MAX: variants seen among roughly 807,000 people sequenced by gnomAD.
MAX encodes protein max.
A neutral mutation model predicts 22.3 loss-of-function variants in MAX; 3 were observed. That is an observed-to-expected ratio of 0.13 (90% confidence interval 0.06 to 0.35). MAX has a LOEUF of 0.35. Ranked by LOEUF, MAX falls within the 10% of genes least tolerant of loss-of-function variation. The pLI is 1.00. For synonymous variants in MAX, 72 were observed against 77.7 expected, an observed-to-expected ratio of 0.93 and a Z score of 0.39; for missense variants, 119 against 209.4, an observed-to-expected ratio of 0.57 and a Z score of 2.66.
In MAX at chr14:65,077,446, G is replaced by A; in HGVS notation, c.295+467C>T. The A allele has an allele frequency of 1.3e-6, 2 of 1,555,574 alleles. No individual in the cohort carries two copies. The highest frequency in any genetic ancestry group is 1.8e-6 in the Non-Finnish European group (2 of 1,126,640). The stretch of plus-strand genomic sequence containing the variant: ...GCTTTCCCCTGTGGTTGTAGGAAAA[G>A]GCGGGTGTGAGCATTGAGAACAGCA... On this transcript the variant is annotated intron_variant, in intron 4 of 4. Transcript: ENST00000358664. This position sits in a 1 kb window ranked among gnomAD's most constrained non-coding sequence, Gnocchi z 6.3.
In MAX at chr14:65,069,596, G is replaced by C. The variant is rs909781884; in HGVS notation, c.171+24112C>G. Among the ~76,000 whole-genome samples the C allele has an allele frequency of 1.3e-5, 2 of 152,244 alleles. No homozygotes were observed. The highest frequency in any genetic ancestry group is 4.1e-4 in the South Asian group (2 of 4,834). On this transcript the variant is annotated intron_variant, in intron 3 of 3. Coordinates refer to the MAX transcript ENST00000341653. This position sits in a 1 kb window ranked among gnomAD's most constrained non-coding sequence, Gnocchi z 4.6. ...GTTGAACTCACGCAGAGGCAACCCT[G>C]GAACCGCCCTATCAAGGGCACAGAG... is the stretch of plus-strand genomic sequence containing the variant.
Position 65,078,793 on chromosome 14 carries a change from C to T in MAX, c.172-757G>A, listed in dbSNP as rs1353447260. Reference sequence around the variant, plus strand: ...GATCCACCTACCTCGGCCTCCCAAACTGCTGGGATTACAGGCGTGAGCCAC... The same window carrying T: ...GATCCACCTACCTCGGCCTCCCAAATTGCTGGGATTACAGGCGTGAGCCAC... On this transcript the variant is annotated intron_variant, in intron 3 of 4. Transcript: ENST00000358664. This position sits in a 1 kb window ranked among gnomAD's most constrained non-coding sequence, Gnocchi z 6.4. Among the ~76,000 whole-genome samples, 1 of 152,082 alleles carries T rather than the reference C, an allele frequency of 6.6e-6. No homozygotes were observed. Among genetic ancestry groups the T allele is most frequent in the Non-Finnish European group, 1.5e-5 (1 of 68,012 alleles).
rs201716333 is a variant in MAX, at chr14:65,032,702, A to G, written c.172-26418T>C. On this transcript the variant is annotated intron_variant, in intron 3 of 3. Transcript: ENST00000341653. The surrounding 1 kb of genome is among the most constrained non-coding windows in gnomAD (Gnocchi z 5.0). ...ACTGCTGAATGGATAGCAAGGTGAG[A>G]GAAGCCAGGGTTTCTCCTGGCCTCT... 1.2e-6 allele frequency: 2 copies of G among 1,613,060 alleles called. No individual in the cohort carries two copies. Among genetic ancestry groups the G allele is most frequent in the Non-Finnish European group, 1.7e-6 (2 of 1,179,808 alleles).
chr14:65,083,467 G>A (rs2063247735), intron 3 of MAX, among the ~76,000 whole-genome samples: 1 of 152,238 alleles, frequency 6.6e-6, no homozygotes. Context: ...TTTTATCACA[G>A]TAACTTGGAT....
chr14:65,085,790 G>C (rs1189616524), intron 3 of MAX, among the ~76,000 whole-genome samples: 2 of 152,144 alleles, frequency 1.3e-5, no homozygotes, highest in Non-Finnish European at 2.9e-5. Flanking sequence ...CATCAATATG[G>C]AACCCCCAAG....
At position 65,012,304 on chromosome 14, in the gene MAX, T is replaced by C; in HGVS notation, c.172-6020A>G. On this transcript the variant is annotated intron_variant, in intron 3 of 3. Coordinates refer to the MAX transcript ENST00000341653. The surrounding 1 kb of genome is among the most constrained non-coding windows in gnomAD (Gnocchi z 5.0). ...GCTATTAGAATGGGCTTATAAACTG[T>C]TTGTCTTTCCAGGCTTGTTTTGCAG... The C allele has an allele frequency of 6.2e-7, 1 of 1,613,970 alleles. No individual in the cohort carries two copies. Among genetic ancestry groups the C allele is most frequent in the Non-Finnish European group, 8.5e-7 (1 of 1,179,872 alleles).
At chr14:65,091,124 T>A (rs2063494723) in intron 3 of MAX, among the ~76,000 whole-genome samples, 2 of 152,140 alleles carry the variant, frequency 1.3e-5, no homozygotes, top group African/African-American at 2.4e-5. Flanking sequence ...CATGGTAAAA[T>A]AATCATTTCA....
intron 3 of MAX, among the ~76,000 whole-genome samples, chr14:65,035,581 G>A (rs528609459): frequency 6.6e-6 from 1 of 152,160 alleles, no homozygotes; most frequent in African/African-American, 2.4e-5. Flanking sequence ...ACGAGCTGGA[G>A]TGTAGTGGTG....
downstream of MAX, among the ~76,000 whole-genome samples, chr14:65,072,856 G>A (rs2063003836): frequency 6.6e-6 from 1 of 152,260 alleles, no homozygotes; most frequent in South Asian, 2.1e-4. Context: ...CGAAGAGTTT[G>A]TCAGTCCAGT....
intron 3 of MAX, among the ~76,000 whole-genome samples, chr14:65,057,511 G>C (rs1385704968): frequency 6.6e-6 from 1 of 152,124 alleles, no homozygotes; most frequent in Non-Finnish European, 1.5e-5. Flanking sequence ...TTTGTTTTTG[G>C]GGGAGGGTAG....
At chr14:65,055,364 G>C (rs2062710144) in intron 3 of MAX, among the ~76,000 whole-genome samples, 1 of 152,142 alleles carries the variant, frequency 6.6e-6, no homozygotes, top group African/African-American at 2.4e-5. Context: ...CATGCAGACT[G>C]TCATGAATTT....
chr14:65,065,661 G>A (rs1029916941), intron 3 of MAX, among the ~76,000 whole-genome samples: 8 of 152,156 alleles, frequency 5.3e-5, no homozygotes, highest in Non-Finnish European at 8.8e-5. Context: ...GACCACTGTC[G>A]TACATGCATT....
chr14:65,010,109 C>T (rs375327270), intron 3 of MAX, among the ~76,000 whole-genome samples: 2 of 152,226 alleles, frequency 1.3e-5, no homozygotes, highest in Admixed American at 6.5e-5. Flanking sequence ...GTTGTCTTTT[C>T]CCCTCAGTCT....
rs1320519815 is a variant in MAX at position 65,031,324 on chromosome 14, G to GTT, written c.172-25042_172-25041dup. ...TCAAGTATAATAATTTTTTGTGTTT[G>GTT]TTTTTTTTTTTGAGACAGAGTCTCA... On this transcript the variant is annotated intron_variant, in intron 3 of 3. Coordinates refer to the MAX transcript ENST00000341653. This position sits in a 1 kb window ranked among gnomAD's most constrained non-coding sequence, Gnocchi z 4.6. Among the ~76,000 whole-genome samples the GTT allele has an allele frequency of 1.4e-5, 2 of 144,228 alleles. No homozygotes were observed. Among genetic ancestry groups the GTT allele is most frequent in the African/African-American group, 2.5e-5 (1 of 39,476 alleles). The allele number at this position is 144,228 out of a possible 152,430, so 94.6% of individuals were successfully genotyped here.
At chr14:65,033,595 C>T (rs992721652) in intron 3 of MAX, among the ~76,000 whole-genome samples, 4 of 152,124 alleles carry the variant, frequency 2.6e-5, no homozygotes, top group South Asian at 2.1e-4. Context: ...CGGTGGCTCA[C>T]GCCTGTAATT....
At position 65,102,399 on chromosome 14, in the gene MAX, G is replaced by C; in HGVS notation, c.-60C>G. On this transcript the variant is annotated 5_prime_UTR_variant, in exon 1 of 5. Coordinates refer to ENST00000358664, the MANE Select transcript of MAX (RefSeq NM_002382.5). The stretch of plus-strand genomic sequence containing the variant: ...GGCGGGGAGGGGAAGGGGTGAAGGG[G>C]AGGGGGAAGTCACCGACAACAACAA... 1 of 1,591,148 alleles carries C rather than the reference G, an allele frequency of 6.3e-7. No homozygotes were observed. Among genetic ancestry groups the C allele is most frequent in the Non-Finnish European group, 8.5e-7 (1 of 1,169,794 alleles).
rs775220622 is a variant in MAX at position 65,093,876 on chromosome 14, G to A, written c.64-61C>T. 1.0e-6 allele frequency: 1 copy of A among 979,770 alleles called. No homozygotes were observed. The highest frequency in any genetic ancestry group is 1.7e-6 in the Non-Finnish European group (1 of 600,684). 60.7% of individuals were successfully genotyped at this position (979,770 alleles called of 1,614,324 possible). ...CACTCCTTTTGCTTGGTACAAGGTGGGTGGGGTACAGCCTGGAAGTACACG... is the reference window on the plus strand; with the variant it reads ...CACTCCTTTTGCTTGGTACAAGGTGAGTGGGGTACAGCCTGGAAGTACACG... On this transcript the variant is annotated intron_variant, in intron 2 of 4. Transcript: ENST00000358664. This position sits in a 1 kb window ranked among gnomAD's most constrained non-coding sequence, Gnocchi z 4.4.
Position 65,077,451 on chromosome 14 carries a change from G to T in MAX, c.295+462C>A, listed in dbSNP as rs1382652568. On this transcript the variant is annotated intron_variant, in intron 4 of 4. Coordinates refer to ENST00000358664, the MANE Select transcript of MAX (RefSeq NM_002382.5). This position sits in a 1 kb window ranked among gnomAD's most constrained non-coding sequence, Gnocchi z 6.3. Reference sequence around the variant, plus strand: ...CCCCTGTGGTTGTAGGAAAAGGCGGGTGTGAGCATTGAGAACAGCATGGGC... The same window carrying T: ...CCCCTGTGGTTGTAGGAAAAGGCGGTTGTGAGCATTGAGAACAGCATGGGC... 4.6e-6 allele frequency: 7 copies of T among 1,517,868 alleles called. No homozygotes were observed. Among genetic ancestry groups the T allele is most frequent in the Non-Finnish European group, 6.4e-6 (7 of 1,092,278 alleles). 94.0% of individuals were successfully genotyped at this position (1,517,868 alleles called of 1,614,324 possible). A position where few individuals can be genotyped will look rare whatever the true frequency, so the allele number is the denominator to read the frequency against.
intron 2 of MAX, among the ~76,000 whole-genome samples, chr14:65,095,624 T>C (rs1370975163): frequency 1.3e-5 from 2 of 152,158 alleles, no homozygotes; most frequent in Non-Finnish European, 2.9e-5. Flanking sequence ...CAAGAGACAA[T>C]ATTTGGCATG....
Sources: gnomAD v4.1 joint callset for allele counts (sites outside exome capture counted in the v4.1 genomes callset) on GRCh38, gnomAD v4.1.1 for gene constraint, Gnocchi (gnomAD v3.1) non-coding constraint, MANE v1.5 for transcripts, NCBI Gene and HGNC (gene_info 2026-07-23, HGNC 2026-07-21) for gene names.